Variants in SOX6 observed in about 807,000 individuals in gnomAD.
SOX6 encodes the protein transcription factor SOX-6.
A neutral mutation model predicts 97.8 loss-of-function variants in SOX6; 11 were observed. The ratio of observed to expected loss-of-function variants is 0.11; its 90% confidence interval spans 0.07 to 0.19. The LOEUF is 0.19. Ranked by LOEUF, SOX6 falls within the 10% of genes least tolerant of loss-of-function variation. The pLI is 1.00. For missense variants in SOX6, 810 were observed against 1,039.5 expected, an observed-to-expected ratio of 0.78 and a Z score of 3.04; for synonymous variants, 360 against 371.4, an observed-to-expected ratio of 0.97 and a Z score of 0.35.
intron 9 of SOX6, among the ~76,000 whole-genome samples, chr11:16,066,366 TAG>T (rs1290818134): frequency 3.3e-5 from 5 of 152,098 alleles, no homozygotes; most frequent in Admixed American, 6.6e-5. Flanking sequence ...AAGCTAATAA[TAG>T]AGTTACCATA....
At chr11:16,617,650 G>C (rs1434913698) in intron 3 of SOX6, among the ~76,000 whole-genome samples, 1 of 151,772 alleles carries the variant, frequency 6.6e-6, no homozygotes, top group East Asian at 1.9e-4. Context: ...CTGAAAAGCA[G>C]ATATAAACAG....
intron 4 of SOX6, among the ~76,000 whole-genome samples, chr11:16,501,567 AAAG>A (rs1167073714): frequency 2.0e-5 from 3 of 151,916 alleles, no homozygotes; most frequent in Non-Finnish European, 4.4e-5. Flanking sequence ...CTCATCTGAC[AAAG>A]GGCTAATATC....
intron 1 of SOX6, among the ~76,000 whole-genome samples, chr11:16,449,198 G>A (rs1318508785): frequency 6.6e-6 from 1 of 150,482 alleles, no homozygotes; most frequent in Non-Finnish European, 1.5e-5. Flanking sequence ...GGAATATACT[G>A]TGAGGCATGT....
intron 9 of SOX6, among the ~76,000 whole-genome samples, chr11:16,089,505 T>C (rs1033909507): frequency 6.6e-6 from 1 of 152,148 alleles, no homozygotes; most frequent in Non-Finnish European, 1.5e-5. Flanking sequence ...CTTGGGAAGA[T>C]ACAGAAGAGA....
At chr11:16,286,107 T>C (rs1854733398) in intron 3 of SOX6, among the ~76,000 whole-genome samples, 1 of 152,182 alleles carries the variant, frequency 6.6e-6, no homozygotes, top group Non-Finnish European at 1.5e-5. Context: ...ATAAAATGAA[T>C]ATCCAGTTGT....
At chr11:16,663,489 A>T (rs1383097244) in intron 3 of SOX6, among the ~76,000 whole-genome samples, 2 of 151,928 alleles carry the variant, frequency 1.3e-5, no homozygotes, top group Non-Finnish European at 2.9e-5. Flanking sequence ...TACTCAGCTA[A>T]TTTTTGCATT....
intron 1 of SOX6, among the ~76,000 whole-genome samples, chr11:16,362,171 C>A (rs1343122453): frequency 6.6e-6 from 1 of 152,122 alleles, no homozygotes; most frequent in African/African-American, 2.4e-5. Flanking sequence ...ATAAGAGTAT[C>A]TTGTGTTACA....
At chr11:15,974,378 C>CTCTTT (rs761914801) in intron 15 of SOX6, among the ~76,000 whole-genome samples, 2 of 85,658 alleles carry the variant, frequency 2.3e-5, no homozygotes. Context: ...TTAGCTCTCT[C>CTCTTT]TTTTTTTTTT....
rs1239684329 is a variant in SOX6, at chr11:16,051,626, G to A, written c.1252-1688C>T. ...TCCCTTTGCTCTTTATTCAAAGGAT[G>A]TTTGAACTAGTTTGTTCCTTTACTC... On this transcript the variant is annotated intron_variant, in intron 10 of 15. Coordinates refer to ENST00000683767, the MANE Select transcript of SOX6 (RefSeq NM_001367873.1). 3.3e-5 allele frequency among the ~76,000 whole-genome samples: 5 copies of A among 152,240 alleles called. No homozygotes were observed. The East Asian group carries it at 9.7e-4, about 29-fold the overall frequency.
At chr11:15,980,370 G>T (rs544704061) in intron 15 of SOX6, among the ~76,000 whole-genome samples, 4 of 152,162 alleles carry the variant, frequency 2.6e-5, no homozygotes, top group South Asian at 4.1e-4. Flanking sequence ...CTCCTCCAAT[G>T]GCTTGAAGTA....
chr11:16,454,923 G>A (rs943854949), intron 1 of SOX6, among the ~76,000 whole-genome samples: 7 of 151,904 alleles, frequency 4.6e-5, no homozygotes, highest in African/African-American at 1.7e-4. Flanking sequence ...GATTTTTATA[G>A]TGCTAAACTT....
intron 3 of SOX6, among the ~76,000 whole-genome samples, chr11:16,302,557 T>C (rs865986397): frequency 2.9e-5 from 4 of 136,450 alleles, no homozygotes; most frequent in Admixed American, 7.6e-5. Flanking sequence ...CATTTTTTTT[T>C]CTTTTTTTCT....
intron 3 of SOX6, chr11:16,612,986 A>C (rs1848418198): frequency 6.6e-6 from 1 of 152,210 alleles, no homozygotes; most frequent in Non-Finnish European, 1.5e-5. Flanking sequence ...CCCCCCCACG[A>C]TTGAATGGAA....
chr11:16,385,209 T>C (rs1351772364), intron 1 of SOX6, among the ~76,000 whole-genome samples: 1 of 152,076 alleles, frequency 6.6e-6, no homozygotes, highest in African/African-American at 2.4e-5. Flanking sequence ...GATTATGTGC[T>C]TCCCTGATCC....
chr11:16,308,013 C>G (rs1324293902), intron 3 of SOX6, among the ~76,000 whole-genome samples: 1 of 152,126 alleles, frequency 6.6e-6, no homozygotes, highest in South Asian at 2.1e-4. Context: ...TACTTAAACT[C>G]AAGACATCAA....
intron 6 of SOX6, among the ~76,000 whole-genome samples, chr11:16,142,782 G>A (rs1850179864): frequency 1.3e-5 from 2 of 152,038 alleles, no homozygotes; most frequent in African/African-American, 4.8e-5. Flanking sequence ...GAAATGAAGG[G>A]AAAAGAGAAG....
At chr11:16,029,012 A>G (rs962420138) in intron 12 of SOX6, among the ~76,000 whole-genome samples, 3 of 152,208 alleles carry the variant, frequency 2.0e-5, no homozygotes, top group Admixed American at 6.5e-5. Context: ...TGTAGGTCAT[A>G]CCAGCAAGGG....
chr11:16,725,128 G>T (rs1380797181), intron 2 of SOX6, among the ~76,000 whole-genome samples: 1 of 152,148 alleles, frequency 6.6e-6, no homozygotes, highest in Non-Finnish European at 1.5e-5. Flanking sequence ...TATAACTGAT[G>T]AATGGACAAA....
At chr11:16,690,304 T>C (rs1192076553) in intron 3 of SOX6, among the ~76,000 whole-genome samples, 2 of 152,220 alleles carry the variant, frequency 1.3e-5, no homozygotes, top group African/African-American at 2.4e-5. Context: ...GCTTATGACA[T>C]AAACTCAAGG....
Sources: gnomAD v4.1 joint callset for allele counts (sites outside exome capture counted in the v4.1 genomes callset) on GRCh38, gnomAD v4.1.1 for gene constraint, MANE v1.5 for transcripts, NCBI Gene and HGNC (gene_info 2026-07-23, HGNC 2026-07-21) for gene names.